The following STARD13 variants were observed in gnomAD, a reference collection of about 807,000 sequenced individuals.
STARD13 encodes stAR-related lipid transfer protein 13.
A neutral mutation model predicts 106.4 loss-of-function variants in STARD13; 62 were observed. That is an observed-to-expected ratio of 0.58 (90% CI 0.48 to 0.72). The LOEUF is 0.72. STARD13 is among the 30% of genes least tolerant of loss of function. STARD13 has a pLI of 0.00. For missense variants in STARD13, 1,387 were observed against 1,424.0 expected (o/e 0.97, Z 0.42); for synonymous variants, 565 against 553.0 (o/e 1.02, Z -0.31).
At chr13:33,251,977 A>G (rs972231624) in intron 1 of STARD13, among the ~76,000 whole-genome samples, 1 of 152,196 alleles carries the variant, frequency 6.6e-6, no homozygotes, top group Non-Finnish European at 1.5e-5. Flanking sequence ...GAAAATCAAA[A>G]CGATAAGCTT....
the STARD13 span, among the ~76,000 whole-genome samples, chr13:33,597,683 TA>T: frequency 3.7e-3 from 507 of 137,722 alleles, no homozygotes; most frequent in East Asian, 0.01. Context: ...CCATCTCTAC[TA>T]AAAAAAAAAA....
intron 1 of STARD13, among the ~76,000 whole-genome samples, chr13:33,254,834 C>A (rs149228264): frequency 2.1e-3 from 327 of 152,220 alleles, no homozygotes; most frequent in African/African-American, 7.5e-3. Context: ...CTCTTTGGCT[C>A]CCCATCCATC....
the STARD13 span, among the ~76,000 whole-genome samples, chr13:33,525,398 G>A: frequency 6.6e-6 from 1 of 152,026 alleles, no homozygotes; most frequent in African/African-American, 2.4e-5. Context: ...AGCCACAATG[G>A]TCTTTTAAGC....
the STARD13 span, among the ~76,000 whole-genome samples, chr13:33,672,449 T>G: frequency 6.6e-6 from 1 of 152,162 alleles, no homozygotes; most frequent in Non-Finnish European, 1.5e-5. Context: ...GGTTGACAGG[T>G]GCAGCAAACC....
the STARD13 span, among the ~76,000 whole-genome samples, chr13:33,545,468 T>G: frequency 7.2e-5 from 11 of 152,332 alleles, no homozygotes; most frequent in African/African-American, 2.6e-4. Flanking sequence ...GCAGAGAAGA[T>G]GTAAAGGACA....
chr13:33,392,735 T>C, the STARD13 span, among the ~76,000 whole-genome samples: 1 of 152,344 alleles, frequency 6.6e-6, no homozygotes, highest in Non-Finnish European at 1.5e-5. Context: ...TATCACATCA[T>C]TGTATTCTGC....
intron 1 of STARD13, among the ~76,000 whole-genome samples, chr13:33,319,283 G>C (rs1294115531): frequency 6.6e-6 from 1 of 152,152 alleles, no homozygotes; most frequent in Non-Finnish European, 1.5e-5. Context: ...AGTGAAAGAT[G>C]CCAGACACCA....
intron 1 of STARD13, among the ~76,000 whole-genome samples, chr13:33,231,098 G>A (rs573367192): frequency 6.6e-6 from 1 of 152,334 alleles, no homozygotes; most frequent in Non-Finnish European, 1.5e-5. Flanking sequence ...TGCATCTCAG[G>A]ACACTCCTCA....
At chr13:33,613,455 G>A in the STARD13 span, among the ~76,000 whole-genome samples, 2 of 152,220 alleles carry the variant, frequency 1.3e-5, no homozygotes, top group African/African-American at 2.4e-5. Flanking sequence ...CCCTGAGGGT[G>A]CAGTAAGGTG....
chr13:33,203,847 G>A (rs1887222559), intron 1 of STARD13, among the ~76,000 whole-genome samples: 1 of 152,182 alleles, frequency 6.6e-6, no homozygotes, highest in Non-Finnish European at 1.5e-5. Flanking sequence ...GTCTAAGAGA[G>A]TGGAGGCAAT....
intron 1 of STARD13, among the ~76,000 whole-genome samples, chr13:33,320,918 C>T (rs1294668353): frequency 1.3e-5 from 2 of 152,112 alleles, no homozygotes; most frequent in Admixed American, 6.5e-5. Context: ...AACACAAGCT[C>T]GTTCTTTCAC....
the STARD13 span, among the ~76,000 whole-genome samples, chr13:33,666,588 C>T: frequency 3.9e-5 from 6 of 152,066 alleles, no homozygotes; most frequent in African/African-American, 9.6e-5. Flanking sequence ...AGCCACTGCA[C>T]CCAGCCTATT....
At chr13:33,459,158 C>T in the STARD13 span, among the ~76,000 whole-genome samples, 1 of 152,032 alleles carries the variant, frequency 6.6e-6, no homozygotes, top group African/African-American at 2.4e-5. Flanking sequence ...TTATGATGTA[C>T]TATATCCATG....
the STARD13 span, among the ~76,000 whole-genome samples, chr13:33,541,904 C>T: frequency 6.6e-6 from 1 of 152,204 alleles, no homozygotes; most frequent in East Asian, 1.9e-4. Flanking sequence ...TCAGAAACTA[C>T]TATGGTCCTC....
At chr13:33,112,161 T>G (rs1874678251) in intron 9 of STARD13, among the ~76,000 whole-genome samples, 1 of 152,342 alleles carries the variant, frequency 6.6e-6, no homozygotes, top group Non-Finnish European at 1.5e-5. Context: ...TTGAAACCCC[T>G]TAACTGCAAG....
the STARD13 span, chr13:33,359,704 A>C: frequency 6.6e-6 from 1 of 152,522 alleles, no homozygotes; most frequent in Non-Finnish European, 1.5e-5. Flanking sequence ...TTCTCCCCAC[A>C]GCTCCCTTGC....
chr13:33,453,822 T>C, the STARD13 span, among the ~76,000 whole-genome samples: 2 of 152,198 alleles, frequency 1.3e-5, no homozygotes, highest in African/African-American at 2.4e-5. Context: ...AATTCAGCAT[T>C]TGAAAAGAAT....
chr13:33,130,779 C>A lies in STARD13; in HGVS notation c.388-490G>T, dbSNP rs1035311684. Among the ~76,000 whole-genome samples the A allele has an allele frequency of 2.0e-5, 3 of 152,162 alleles. No homozygotes were observed. Among genetic ancestry groups the A allele is most frequent in the African/African-American group, 7.2e-5 (3 of 41,428 alleles). The stretch of plus-strand genomic sequence containing the variant: ...ATCTCAGCTTCAGTATATCTCAAAG[C>A]TAACACTCCTTATTTTAGTCCCCTG... On this transcript the variant is annotated intron_variant, in intron 4 of 13. Coordinates refer to ENST00000336934, the MANE Select transcript of STARD13 (RefSeq NM_178006.4). This position sits in a 1 kb window ranked among gnomAD's most constrained non-coding sequence, Gnocchi z 4.1.
chr13:33,317,525 T>C (rs1177904469), intron 1 of STARD13, among the ~76,000 whole-genome samples: 1 of 152,158 alleles, frequency 6.6e-6, no homozygotes, highest in Non-Finnish European at 1.5e-5. Context: ...ACTTTCTCTT[T>C]GTCTGGAACA....
Sources: gnomAD v4.1 joint callset for allele counts (sites outside exome capture counted in the v4.1 genomes callset) on GRCh38, gnomAD v4.1.1 for gene constraint, Gnocchi (gnomAD v3.1) non-coding constraint, MANE v1.5 for transcripts, NCBI Gene and HGNC (gene_info 2026-07-23, HGNC 2026-07-21) for gene names.